The following SERHL2 variants were observed in gnomAD, a reference collection of about 807,000 sequenced individuals.
SERHL2 encodes serine hydrolase-like protein 2.
SERHL2 carries 29 observed loss-of-function variants against 25.5 expected under a neutral mutation model. That is an observed-to-expected ratio of 1.14 (90% CI 0.85 to 1.55). The LOEUF is 1.55. SERHL2 is among the 40% of genes most tolerant of loss of function. The pLI is 0.00. For synonymous variants in SERHL2, 95 were observed against 103.5 expected, an observed-to-expected ratio of 0.92 and a Z score of 0.50; for missense variants, 240 against 252.3, an observed-to-expected ratio of 0.95 and a Z score of 0.33.
chr22:42,573,793 C>A (rs1174118176), intron 11 of SERHL2, 143 bp from the exon 12 acceptor site: 3 of 805,944 alleles, frequency 3.7e-6, no homozygotes, highest in Non-Finnish European at 6.1e-6. Flanking sequence ...TCCAAGGAGC[C>A]GAGTGTGGGG....
In SERHL2 at chr22:42,562,128, G is replaced by A. The variant is rs759928056; in HGVS notation, c.613+1863G>A. 7.9e-5 allele frequency among the ~76,000 whole-genome samples: 12 copies of A among 151,798 alleles called. 1 individual carries two copies. Among genetic ancestry groups the A allele is most frequent in the Non-Finnish European group, 1.8e-4 (12 of 67,932 alleles). Reference sequence around the variant, plus strand: ...GTTGTGTGCAGACAAGCCCTCTGCAGCAGTTGTGGCCTTTTGGGACCCAGC... The same window carrying A: ...GTTGTGTGCAGACAAGCCCTCTGCAACAGTTGTGGCCTTTTGGGACCCAGC... On this transcript the variant is annotated intron_variant, in intron 8 of 11. Transcript: ENST00000327678.
At chr22:42,557,582 AAG>A (rs1218835423) in intron 6 of SERHL2, among the ~76,000 whole-genome samples, 1,474 of 25,124 alleles carry the variant, frequency 0.059, 39 homozygotes, top group Middle Eastern at 0.19. Flanking sequence ...AAAAAAAAAA[AAG>A]AATGACGGCA....
intron 8 of SERHL2, among the ~76,000 whole-genome samples, chr22:42,564,509 G>A (rs1181290130): frequency 4.6e-5 from 7 of 150,944 alleles, no homozygotes; most frequent in African/African-American, 1.5e-4. Context: ...TCGGCTCACC[G>A]CAACCTCCAC....
At chr22:42,563,062 G>T (rs1922881519) in intron 8 of SERHL2, among the ~76,000 whole-genome samples, 1 of 151,912 alleles carries the variant, frequency 6.6e-6, no homozygotes, top group Non-Finnish European at 1.5e-5. Context: ...CGGCATGGTG[G>T]CACACCTGTG....
intron 10 of SERHL2, 127 bp from the exon 11 acceptor site, chr22:42,572,309 C>G: frequency 4.7e-6 from 3 of 641,388 alleles, no homozygotes; most frequent in Non-Finnish European, 8.3e-6. Context: ...AGGGACCCAG[C>G]TGTGGGAGTT....
intron 4 of SERHL2, 23 bp from the exon 5 acceptor site, chr22:42,556,041 C>G: frequency 2.1e-6 from 1 of 474,508 alleles, no homozygotes; most frequent in Non-Finnish European, 3.5e-6. Flanking sequence ...GGGAATGTCA[C>G]CCACAGCTCT....
intron 9 of SERHL2, among the ~76,000 whole-genome samples, chr22:42,568,521 G>A (rs1018839410): frequency 2.6e-5 from 4 of 151,954 alleles, no homozygotes; most frequent in African/African-American, 9.7e-5. Flanking sequence ...GACCTGTTCT[G>A]TAGTGGGAGC....
At chr22:42,571,770 G>C (rs1924231904) in intron 10 of SERHL2, 1 of 157,964 alleles carries the variant, frequency 6.3e-6, no homozygotes, top group Non-Finnish European at 1.4e-5. Context: ...CACTGACACG[G>C]GCTCCAGCAT....
intron 9 of SERHL2, among the ~76,000 whole-genome samples, chr22:42,566,620 T>C (rs2146721232): frequency 6.6e-6 from 1 of 151,760 alleles, no homozygotes; most frequent in Middle Eastern, 3.4e-3. Flanking sequence ...AATTTAACCG[T>C]TTGTAAGTAT....
rs927876607 is a variant in SERHL2, at chr22:42,574,024, A to G, written c.914A>G (p.Gln305Arg). ...HVASIISSFL[Q>R]CTHMLPAQL ...GCCAGTATCATCAGCTCCTTCTTACAGTGCACACACATGCTCCCAGCCCAG... is the reference window on the plus strand; with the variant it reads ...GCCAGTATCATCAGCTCCTTCTTACGGTGCACACACATGCTCCCAGCCCAG... The change falls in exon 12 of 12, where the codon CAG becomes CGG. Residue 305 changes from glutamine to arginine, a missense_variant. Physicochemically the swap from Gln to Arg is conservative, Grantham distance 43. Transcript: ENST00000327678. 4.3e-6 allele frequency: 7 copies of G among 1,612,068 alleles called. No homozygotes were observed. In the African/African-American group the frequency reaches 6.7e-5, roughly 15 times the overall value.
intron 8 of SERHL2, 124 bp from the exon 9 acceptor site, chr22:42,566,180 C>CG: frequency 2.2e-6 from 2 of 919,754 alleles, no homozygotes; most frequent in Non-Finnish European, 1.7e-6. Context: ...CTGAGGACGT[C>CG]GGGGGCAGGT....
At chr22:42,571,540 C>T in intron 10 of SERHL2, 2 of 992,298 alleles carry the variant, frequency 2.0e-6, no homozygotes, top group African/African-American at 3.4e-5. Flanking sequence ...ATTCTCCTGC[C>T]TCAGCCTCCC....
intron 8 of SERHL2, among the ~76,000 whole-genome samples, chr22:42,560,922 C>T (rs1922604405): frequency 6.6e-6 from 1 of 151,630 alleles, no homozygotes; most frequent in African/African-American, 2.4e-5. Context: ...TTGTAAGGGC[C>T]TGCTACAGGC....
rs763211700 is a variant in SERHL2, at chr22:42,572,445, C to G, written c.741C>G (p.His247Gln). 2 of 1,609,736 alleles carry G rather than the reference C, an allele frequency of 1.2e-6. No homozygotes were observed. Among genetic ancestry groups the G allele is most frequent in the East Asian group, 2.2e-5 (1 of 44,844 alleles). The change falls in exon 11 of 12, where the codon CAC (histidine) becomes CAG (glutamine). Residue 247 changes from histidine (H) to glutamine (Q), a missense_variant. Physicochemically the swap from His to Gln is conservative, Grantham distance 24 (BLOSUM62 0). Transcript: ENST00000327678. The stretch of plus-strand genomic sequence containing the variant: ...ACTCCTCACTTTCCAGAGCAGTCCA[C>G]GGATATTTTGATTCAAGACAGAATT... ...QAHVLLIKAVHGYFDSRQNYS... is the reference protein window; with the variant it reads ...QAHVLLIKAVQGYFDSRQNYS...
At chr22:42,572,998 C>G (rs1924451741) in intron 11 of SERHL2, among the ~76,000 whole-genome samples, 1 of 151,824 alleles carries the variant, frequency 6.6e-6, no homozygotes, top group Non-Finnish European at 1.5e-5. Context: ...GCTCCCAAAC[C>G]ACAGCAGAAT....
chr22:42,568,313 G>A (rs2413695), intron 9 of SERHL2, among the ~76,000 whole-genome samples: 2,359 of 150,638 alleles, frequency 0.016, 58 homozygotes, highest in Admixed American at 0.067. Context: ...GTGAGCCACT[G>A]CAGCCAGCCA....
At chr22:42,573,761 G>A (rs1223728471) in intron 11 of SERHL2, 175 bp from the exon 12 acceptor site, 2 of 708,800 alleles carry the variant, frequency 2.8e-6, no homozygotes, top group Non-Finnish European at 5.0e-6. Flanking sequence ...ACACCTCCTG[G>A]GGTGCTATGG....
chr22:42,572,119 A>C (rs1278061884), intron 10 of SERHL2, among the ~76,000 whole-genome samples: 1 of 152,124 alleles, frequency 6.6e-6, no homozygotes, highest in South Asian at 2.1e-4. Context: ...TCTCTCTCAG[A>C]GCAAGTATGG....
chr22:42,563,373 T>A, intron 8 of SERHL2: 1 of 414,874 alleles, frequency 2.4e-6, no homozygotes, highest in Non-Finnish European at 4.8e-6. Context: ...TGGCTAATTT[T>A]TGTATTTTTT....
Sources: allele counts gnomAD v4.1 joint callset (sites outside exome capture counted in the v4.1 genomes callset), GRCh38; gene constraint gnomAD v4.1.1; transcripts MANE v1.5; gene names NCBI Gene and HGNC (gene_info 2026-07-23, HGNC 2026-07-21).